The following STPG2 variants were observed in gnomAD, a reference collection of about 807,000 sequenced individuals.
The protein encoded by STPG2 is sperm-tail PG-rich repeat-containing protein 2.
In STPG2, 56 loss-of-function variants were observed where a neutral mutation model predicts 54.2. The observed-to-expected ratio is 1.03, with a 90% CI of 0.83 to 1.29. STPG2 has a LOEUF of 1.29. Ranked by LOEUF, STPG2 falls within the 50% of genes most tolerant of loss-of-function variation. The pLI is 0.00. For missense variants in STPG2, 596 were observed against 544.9 expected (o/e 1.09, Z -0.93); for synonymous variants, 200 against 181.8 (o/e 1.10, Z -0.81).
intron 5 of STPG2, among the ~76,000 whole-genome samples, chr4:98,080,145 A>C (rs1738298855): frequency 6.6e-6 from 1 of 152,212 alleles, no homozygotes; most frequent in Non-Finnish European, 1.5e-5. Context: ...CACAACATAA[A>C]AAGCACATTT....
intron 4 of STPG2, chr4:97,441,481 T>C (rs1428190792): frequency 6.6e-6 from 1 of 151,996 alleles, no homozygotes; most frequent in Non-Finnish European, 1.5e-5. Context: ...TACTTCTTTG[T>C]GAGAGAACTG....
chr4:97,481,399 C>A (rs902655626), intron 4 of STPG2, among the ~76,000 whole-genome samples: 23 of 151,434 alleles, frequency 1.5e-4, no homozygotes, highest in African/African-American at 5.3e-4. Flanking sequence ...TTGGCAATTT[C>A]TGAAAAAGAA....
chr4:98,006,616 AGATGAGTATG>A (rs1213293784), intron 5 of STPG2, among the ~76,000 whole-genome samples: 1 of 152,156 alleles, frequency 6.6e-6, no homozygotes, highest in Non-Finnish European at 1.5e-5. Context: ...CAGAACTGAG[AGATGAGTATG>A]GATTCCAGCT....
chr4:97,738,439 C>G (rs1228260471), intron 9 of STPG2, among the ~76,000 whole-genome samples: 2 of 152,054 alleles, frequency 1.3e-5, no homozygotes, highest in Non-Finnish European at 2.9e-5. Context: ...GAGTCAAGAC[C>G]AATCAGAGTG....
rs1165619065 is a variant in STPG2 at position 97,972,365 on chromosome 4, T to C, written c.848A>G (p.Lys283Arg). ...VRNICSKKQK[K>R]SAFGSSVPRT... is the part of the protein sequence containing the mutation. ...AGGAACAGAAGAACCAAATGCACTT[T>C]TCTTCTGTTTCTTTGAGCAGATATT... Residue 283 changes from lysine (K) to arginine (R), a missense_variant, in exon 7 of 11, where the codon AAA becomes AGA. By Grantham distance (26) the Lys-to-Arg change is conservative. Coordinates refer to ENST00000295268, the MANE Select transcript of STPG2 (RefSeq NM_174952.3). 3 of 1,610,456 alleles carry C rather than the reference T, an allele frequency of 1.9e-6. No homozygotes were observed. Among genetic ancestry groups the C allele is most frequent in the Non-Finnish European group, 2.5e-6 (3 of 1,177,786 alleles).
At chr4:97,909,630 C>T (rs1170130008) in intron 8 of STPG2, among the ~76,000 whole-genome samples, 2 of 152,078 alleles carry the variant, frequency 1.3e-5, no homozygotes, top group East Asian at 1.9e-4. Flanking sequence ...TTATTCAACA[C>T]ATGCAAAAAT....
At chr4:97,617,979 G>C (rs548210586) in intron 10 of STPG2, among the ~76,000 whole-genome samples, 1 of 152,198 alleles carries the variant, frequency 6.6e-6, no homozygotes, top group African/African-American at 2.4e-5. Flanking sequence ...TAAAAGTCTA[G>C]ACTTATCAAC....
intron 4 of STPG2, among the ~76,000 whole-genome samples, chr4:97,453,510 T>C (rs1319654758): frequency 1.3e-5 from 2 of 152,092 alleles, no homozygotes; most frequent in African/African-American, 4.8e-5. Flanking sequence ...AGGTTTCAGG[T>C]CAGAAAAGCA....
intron 10 of STPG2, among the ~76,000 whole-genome samples, chr4:97,576,546 T>C (rs1052387449): frequency 1.2e-4 from 19 of 152,152 alleles, no homozygotes; most frequent in African/African-American, 4.3e-4. Flanking sequence ...TTGCTAGCCA[T>C]ATGCAGAAGA....
At chr4:97,726,620 G>T (rs903729879) in intron 9 of STPG2, among the ~76,000 whole-genome samples, 8 of 151,940 alleles carry the variant, frequency 5.3e-5, no homozygotes, top group Non-Finnish European at 1.0e-4. Flanking sequence ...GAATATTAAA[G>T]ATTATGGCTT....
intron 5 of STPG2, among the ~76,000 whole-genome samples, chr4:98,072,651 TC>T (rs1393615319): frequency 1.3e-5 from 2 of 151,680 alleles, no homozygotes; most frequent in African/African-American, 4.9e-5. Context: ...AGTAATTCTC[TC>T]CTATAATGCA....
chr4:97,995,474 C>T (rs1279378152), intron 5 of STPG2, among the ~76,000 whole-genome samples: 1 of 151,668 alleles, frequency 6.6e-6, no homozygotes, highest in Non-Finnish European at 1.5e-5. Flanking sequence ...CACCATTTTC[C>T]TTTTGGGTTG....
chr4:97,748,686 T>C (rs560491188), intron 9 of STPG2, among the ~76,000 whole-genome samples: 1 of 151,708 alleles, frequency 6.6e-6, no homozygotes, highest in South Asian at 2.1e-4. Flanking sequence ...TAGACAATTA[T>C]AAATGAATGA....
intron 4 of STPG2, among the ~76,000 whole-genome samples, chr4:97,442,346 C>A (rs866887411): frequency 6.6e-6 from 1 of 151,902 alleles, no homozygotes; most frequent in Non-Finnish European, 1.5e-5. Context: ...GCTATTTGAA[C>A]ATGTTAACTC....
rs1190943638 is a variant in STPG2 at position 97,990,663 on chromosome 4, T to A, written c.613-9345A>T. 2.0e-5 allele frequency among the ~76,000 whole-genome samples: 3 copies of A among 152,122 alleles called. No individual in the cohort carries two copies. In the East Asian group the frequency reaches 5.8e-4, roughly 29 times the overall value. ...TCACTACCATAGCATCTTTTAGTAA[T>A]CACATCTATTCTAAGGAAAAAGACC... On this transcript the variant is annotated intron_variant, in intron 5 of 10. Transcript: ENST00000295268.
chr4:97,674,176 T>C (rs2148971758), intron 10 of STPG2, among the ~76,000 whole-genome samples: 1 of 152,272 alleles, frequency 6.6e-6, no homozygotes, highest in East Asian at 1.9e-4. Flanking sequence ...GTATGTGTGG[T>C]CCCTCTAATC....
intron 9 of STPG2, among the ~76,000 whole-genome samples, chr4:97,732,272 T>G (rs1337738363): frequency 2.6e-5 from 4 of 152,168 alleles, no homozygotes; most frequent in African/African-American, 9.6e-5. Flanking sequence ...TTCAAATTTC[T>G]ATGGGTTTTT....
intron 10 of STPG2, among the ~76,000 whole-genome samples, chr4:97,685,373 C>T (rs942088430): frequency 2.0e-5 from 3 of 151,922 alleles, no homozygotes; most frequent in Non-Finnish European, 4.4e-5. Context: ...GAGTGTTACT[C>T]AGTGATAAAA....
intron 5 of STPG2, among the ~76,000 whole-genome samples, chr4:98,018,543 T>C (rs139812098): frequency 0.39 from 59,902 of 152,000 alleles, 12,044 homozygotes; most frequent in Middle Eastern, 0.46. Flanking sequence ...AGTAATGGGA[T>C]GGCTGGGTCA....
Sources: gnomAD v4.1 joint callset for allele counts (sites outside exome capture counted in the v4.1 genomes callset) on GRCh38, gnomAD v4.1.1 for gene constraint, MANE v1.5 for transcripts, NCBI Gene and HGNC (gene_info 2026-07-23, HGNC 2026-07-21) for gene names.